Variants in SPRED1 observed in about 807,000 individuals in gnomAD.
The protein encoded by SPRED1 is sprouty-related, EVH1 domain-containing protein 1.
Under a neutral mutation model 52.3 loss-of-function variants are expected in SPRED1, and 18 were observed. The ratio of observed to expected loss-of-function variants is 0.34; its 90% CI spans 0.24 to 0.51. The LOEUF is 0.51. Among genes scored for constraint, SPRED1 ranks in the 20% least tolerant of loss-of-function variants. The probability of loss-of-function intolerance (pLI) is 0.97; values close to 1 mark genes in which losing one functional copy is unlikely to be tolerated. For synonymous variants in SPRED1, 155 were observed against 179.7 expected, an observed-to-expected ratio of 0.86 and a Z score of 1.10; for missense variants, 485 against 551.0, an observed-to-expected ratio of 0.88 and a Z score of 1.20.
intron 1 of SPRED1, among the ~76,000 whole-genome samples, chr15:38,264,867 C>G (rs148003570): frequency 2.6e-5 from 4 of 152,196 alleles, no homozygotes; most frequent in African/African-American, 7.2e-5. Context: ...ATGGTCCTAT[C>G]AGGAACGAGT....
At position 38,354,488 on chromosome 15, in the gene SPRED1, G is replaced by C. The variant is rs761286407; in HGVS notation, c.*2824G>C. ...GGGACATCATTTGATTTCTGAAGAA[G>C]TATGTCGTGTGGAGCTTCAGCACCA... On this transcript the variant is annotated 3_prime_UTR_variant, in exon 7 of 7. Coordinates refer to ENST00000299084, the MANE Select transcript of SPRED1 (RefSeq NM_152594.3). The C allele has an allele frequency of 7.2e-5, 11 of 152,160 alleles. No individual in the cohort carries two copies. Among genetic ancestry groups the C allele is most frequent in the African/African-American group, 1.4e-4 (6 of 41,438 alleles). 9.4% of individuals were successfully genotyped at this position (152,160 alleles called of 1,614,324 possible).
intron 4 of SPRED1, among the ~76,000 whole-genome samples, chr15:38,326,789 C>T (rs756936227): frequency 1.3e-5 from 2 of 152,122 alleles, no homozygotes; most frequent in Non-Finnish European, 2.9e-5. Context: ...GTTGAAAACA[C>T]TATGCAGATG....
At chr15:38,312,795 A>G (rs1425522110) in intron 2 of SPRED1, among the ~76,000 whole-genome samples, 1 of 151,788 alleles carries the variant, frequency 6.6e-6, no homozygotes, top group Non-Finnish European at 1.5e-5. Context: ...TTTATATTGT[A>G]TTCTTTATTA....
At chr15:38,344,567 C>T (rs1312049975) in intron 5 of SPRED1, among the ~76,000 whole-genome samples, 1 of 152,176 alleles carries the variant, frequency 6.6e-6, no homozygotes, top group Non-Finnish European at 1.5e-5. Flanking sequence ...GGGATTATGA[C>T]ATGGCCTCTA....
chr15:38,266,856 G>T (rs1894317481), intron 1 of SPRED1, among the ~76,000 whole-genome samples: 1 of 151,752 alleles, frequency 6.6e-6, no homozygotes, highest in Non-Finnish European at 1.5e-5. Flanking sequence ...AAAATTATTG[G>T]ATGTTGTATA....
chr15:38,295,088 C>T (rs112428156), intron 1 of SPRED1, among the ~76,000 whole-genome samples: 4 of 152,222 alleles, frequency 2.6e-5, no homozygotes, highest in African/African-American at 4.8e-5. Flanking sequence ...TCAAGTAAAT[C>T]GTGAAATTAT....
At chr15:38,260,646 G>A (rs556902536) in intron 1 of SPRED1, among the ~76,000 whole-genome samples, 91 of 152,120 alleles carry the variant, frequency 6.0e-4, no homozygotes, top group African/African-American at 2.0e-3. Flanking sequence ...ATAAAGAACC[G>A]CATTATTACC....
rs935588974 is a variant in SPRED1, at chr15:38,354,762, C to T, written c.*3098C>T. 1 of 152,156 alleles carries T rather than the reference C, an allele frequency of 6.6e-6. No homozygotes were observed. The highest frequency in any genetic ancestry group is 1.5e-5 in the Non-Finnish European group (1 of 68,040). The allele number at this position is 152,156 out of a possible 1,614,324, so 9.4% of individuals were successfully genotyped here. A position where few individuals can be genotyped will look rare whatever the true frequency, so the allele number is the denominator to read the frequency against. On this transcript the variant is annotated 3_prime_UTR_variant, in exon 7 of 7. Transcript: ENST00000299084. The stretch of plus-strand genomic sequence containing the variant: ...AATATTTGTTGATATTTGGGACTGG[C>T]AATCAAACTTAATGGATGTACTGAG...
At chr15:38,297,431 C>A (rs1162874003) in intron 1 of SPRED1, among the ~76,000 whole-genome samples, 1 of 152,112 alleles carries the variant, frequency 6.6e-6, no homozygotes, top group East Asian at 1.9e-4. Context: ...TTGCTCCAGC[C>A]CATCTCAGGA....
chr15:38,342,019 T>C (rs1194875848), intron 5 of SPRED1, among the ~76,000 whole-genome samples: 1 of 148,964 alleles, frequency 6.7e-6, no homozygotes, highest in South Asian at 2.1e-4. Flanking sequence ...CATATATAGT[T>C]GGGTTTGGGT....
chr15:38,338,897 A>C (rs1009708507), intron 4 of SPRED1, among the ~76,000 whole-genome samples: 3 of 152,272 alleles, frequency 2.0e-5, no homozygotes, highest in Non-Finnish European at 2.9e-5. Flanking sequence ...AGAAAAGCTT[A>C]TGAAAGGTTT....
At chr15:38,254,776 A>G (rs1313546402) in intron 1 of SPRED1, among the ~76,000 whole-genome samples, 3 of 152,342 alleles carry the variant, frequency 2.0e-5, no homozygotes, top group Admixed American at 6.5e-5. Flanking sequence ...CTGGCTGTCC[A>G]TTCAGAGTGC....
chr15:38,261,262 G>A (rs962547084), intron 1 of SPRED1, among the ~76,000 whole-genome samples: 2 of 152,136 alleles, frequency 1.3e-5, no homozygotes, highest in African/African-American at 4.8e-5. Flanking sequence ...TAAAACGAGG[G>A]TGTGGGATTT....
intron 1 of SPRED1, among the ~76,000 whole-genome samples, chr15:38,255,539 G>C (rs1894077196): frequency 6.6e-6 from 1 of 152,138 alleles, no homozygotes; most frequent in African/African-American, 2.4e-5. Flanking sequence ...GTGTTCATCT[G>C]ATAATCAGTT....
chr15:38,269,269 GTC>G (rs1387650755), intron 1 of SPRED1, among the ~76,000 whole-genome samples: 3 of 152,176 alleles, frequency 2.0e-5, no homozygotes, highest in Non-Finnish European at 4.4e-5. Flanking sequence ...AAGAGACAGT[GTC>G]TCTCACTTTG....
intron 1 of SPRED1, among the ~76,000 whole-genome samples, chr15:38,253,556 A>G (rs1356999141): frequency 6.6e-6 from 1 of 152,100 alleles, no homozygotes; most frequent in Non-Finnish European, 1.5e-5. Context: ...CTCACATACC[A>G]GTCACCATAC....
At chr15:38,279,729 G>A (rs950394402) in intron 1 of SPRED1, among the ~76,000 whole-genome samples, 6 of 152,160 alleles carry the variant, frequency 3.9e-5, no homozygotes, top group Admixed American at 3.3e-4. Flanking sequence ...AAATACTGAA[G>A]TGTTGAGTGC....
chr15:38,338,541 G>A (rs1895968511), intron 4 of SPRED1, among the ~76,000 whole-genome samples: 2 of 151,996 alleles, frequency 1.3e-5, no homozygotes, highest in Admixed American at 1.3e-4. Flanking sequence ...TGAAAATTGG[G>A]TAAAAATAGC....
chr15:38,347,598 G>T (rs935421420), intron 5 of SPRED1, among the ~76,000 whole-genome samples: 2 of 150,952 alleles, frequency 1.3e-5, no homozygotes, highest in Middle Eastern at 3.4e-3. Flanking sequence ...TAGTTTAGGG[G>T]ATAATTTATC....
Sources: allele counts gnomAD v4.1 joint callset (sites outside exome capture counted in the v4.1 genomes callset), GRCh38; gene constraint gnomAD v4.1.1; transcripts MANE v1.5; gene names NCBI Gene and HGNC (gene_info 2026-07-23, HGNC 2026-07-21).